Variants in KCNB2 observed in about 807,000 individuals in gnomAD.
KCNB2 encodes potassium voltage-gated channel subfamily B member 2.
In KCNB2, 15 loss-of-function variants were observed where a neutral mutation model predicts 61.5. The ratio of observed to expected loss-of-function variants is 0.24; its 90% CI spans 0.16 to 0.38. KCNB2 has a LOEUF of 0.38. Among genes scored for constraint, KCNB2 ranks in the 10% least tolerant of loss-of-function variants. The pLI is 1.00. For missense variants in KCNB2, 828 were observed against 1,125.2 expected (o/e 0.74, Z 3.78); for synonymous variants, 457 against 446.0 (o/e 1.02, Z -0.31).
rs184271441 is a variant in KCNB2, at chr8:72,556,332, G to A, written c.-93-11310G>A. On this transcript the variant is annotated intron_variant, in intron 1 of 2. Coordinates refer to ENST00000523207, the MANE Select transcript of KCNB2 (RefSeq NM_004770.3). ...TTTTTACCATTAATTATTTATTATTGTTGTAGCTTCCTAGTGTTTTACACA... is the reference window on the plus strand; with the variant it reads ...TTTTTACCATTAATTATTTATTATTATTGTAGCTTCCTAGTGTTTTACACA... Among the ~76,000 whole-genome samples, 27 of 152,122 alleles carry A rather than the reference G, an allele frequency of 1.8e-4. No individual in the cohort carries two copies. The East Asian group carries it at 4.8e-3, about 27-fold the overall frequency.
chr8:72,861,462 C>T (rs764799544), intron 2 of KCNB2, among the ~76,000 whole-genome samples: 7 of 152,170 alleles, frequency 4.6e-5, no homozygotes, highest in Non-Finnish European at 7.3e-5. Flanking sequence ...TAAAAGCTCA[C>T]GAAAGAAGCC....
intron 2 of KCNB2, chr8:72,751,650 A>T (rs536665537): frequency 6.6e-6 from 1 of 152,296 alleles, no homozygotes; most frequent in South Asian, 2.1e-4. Flanking sequence ...ATCGTCTTTG[A>T]CTTCAGAATT....
intron 2 of KCNB2, among the ~76,000 whole-genome samples, chr8:72,663,285 CAA>C (rs1408224045): frequency 1.3e-5 from 2 of 152,126 alleles, no homozygotes; most frequent in East Asian, 3.9e-4. Flanking sequence ...GGAAGTATTC[CAA>C]GTAACAAGTA....
rs543721867 is a variant in KCNB2, at chr8:72,888,023, G to A, written c.580-47912G>A. Among the ~76,000 whole-genome samples, 6 of 152,352 alleles carry A rather than the reference G, an allele frequency of 3.9e-5. No individual in the cohort carries two copies. In the East Asian group the frequency reaches 1.2e-3, roughly 29 times the overall value. On this transcript the variant is annotated intron_variant, in intron 2 of 2. Coordinates refer to ENST00000523207, the MANE Select transcript of KCNB2 (RefSeq NM_004770.3). The stretch of plus-strand genomic sequence containing the variant: ...CCAAGATTTTAAGCTCCTTAGGCAA[G>A]AGCCTTACTGCTTTAATCGTGTTTT...
At chr8:72,662,133 G>A (rs769205866) in intron 2 of KCNB2, among the ~76,000 whole-genome samples, 4 of 152,108 alleles carry the variant, frequency 2.6e-5, no homozygotes, top group Non-Finnish European at 2.9e-5. Context: ...GACTATCAGT[G>A]CCACCACTCC....
chr8:72,627,097 G>A (rs138379174), intron 2 of KCNB2, among the ~76,000 whole-genome samples: 1 of 152,282 alleles, frequency 6.6e-6, no homozygotes, highest in Non-Finnish European at 1.5e-5. Context: ...AAAAGCTCAT[G>A]CCAAATTTCT....
At chr8:72,580,946 C>T (rs558704497) in intron 2 of KCNB2, among the ~76,000 whole-genome samples, 4 of 152,274 alleles carry the variant, frequency 2.6e-5, no homozygotes, top group Admixed American at 1.3e-4. Context: ...CCACTGCCTG[C>T]GATCTAGTCC....
intron 2 of KCNB2, among the ~76,000 whole-genome samples, chr8:72,886,765 C>T (rs1805813580): frequency 6.6e-6 from 1 of 152,252 alleles, no homozygotes; most frequent in African/African-American, 2.4e-5. Flanking sequence ...GCGATTTAAA[C>T]AGATCATCAG....
chr8:72,860,311 A>G (rs1284086439), intron 2 of KCNB2, among the ~76,000 whole-genome samples: 1 of 152,208 alleles, frequency 6.6e-6, no homozygotes, highest in Non-Finnish European at 1.5e-5. Context: ...GTAGTATATG[A>G]AGAGTCTCAA....
chr8:72,729,962 A>G (rs1002719082), intron 2 of KCNB2, among the ~76,000 whole-genome samples: 3 of 152,154 alleles, frequency 2.0e-5, no homozygotes, highest in African/African-American at 7.2e-5. Flanking sequence ...TGGGGGGCAG[A>G]GAATAAACTT....
At chr8:72,546,516 CAAA>C (rs35073549) in intron 1 of KCNB2, among the ~76,000 whole-genome samples, 1 of 117,330 alleles carries the variant, frequency 8.5e-6, no homozygotes, top group African/African-American at 3.1e-5. Context: ...GACTCTGTGT[CAAA>C]AAAAAAAAAA....
At chr8:72,707,035 T>C (rs1037001563) in intron 2 of KCNB2, among the ~76,000 whole-genome samples, 2 of 152,190 alleles carry the variant, frequency 1.3e-5, no homozygotes, top group African/African-American at 2.4e-5. Flanking sequence ...CTTGTAAAAG[T>C]TGGTGCTTTC....
chr8:72,685,585 G>A lies in KCNB2; in HGVS notation c.579+117272G>A, dbSNP rs538737901. On this transcript the variant is annotated intron_variant, in intron 2 of 2. Coordinates refer to ENST00000523207, the MANE Select transcript of KCNB2 (RefSeq NM_004770.3). ...GAGTAACAAGCCTACCTAACTAAAT[G>A]TAGGGGTCAAAGAAGGTAACATAGA... 4.2e-4 allele frequency among the ~76,000 whole-genome samples: 64 copies of A among 152,238 alleles called. 1 individual carries two copies. The South Asian group carries it at 0.013, about 32-fold the overall frequency.
At chr8:72,582,325 T>C (rs1431969421) in intron 2 of KCNB2, among the ~76,000 whole-genome samples, 1 of 152,194 alleles carries the variant, frequency 6.6e-6, no homozygotes, top group South Asian at 2.1e-4. Context: ...TTGGAAGGCA[T>C]CCCATTTCTA....
At chr8:72,570,876 G>A (rs1035770890) in intron 2 of KCNB2, among the ~76,000 whole-genome samples, 7 of 152,112 alleles carry the variant, frequency 4.6e-5, no homozygotes, top group African/African-American at 1.7e-4. Flanking sequence ...TGGTAATTTA[G>A]TTGAACATAT....
intron 1 of KCNB2, among the ~76,000 whole-genome samples, chr8:72,561,721 A>ATATG (rs1806521915): frequency 4.2e-5 from 1 of 23,646 alleles, no homozygotes; most frequent in African/African-American, 3.2e-4. Context: ...ATATATATAT[A>ATATG]TATATATCTA....
At chr8:72,931,558 C>A (rs1420768136) in intron 2 of KCNB2, among the ~76,000 whole-genome samples, 1 of 152,164 alleles carries the variant, frequency 6.6e-6, no homozygotes, top group East Asian at 1.9e-4. Context: ...TTCTTTGAAG[C>A]AGTTGTGAAT....
At chr8:72,696,499 G>A (rs770684050) in intron 2 of KCNB2, among the ~76,000 whole-genome samples, 1 of 152,088 alleles carries the variant, frequency 6.6e-6, no homozygotes, top group Admixed American at 6.6e-5. Context: ...GTGTTGGGGG[G>A]TTATGATGTG....
intron 2 of KCNB2, among the ~76,000 whole-genome samples, chr8:72,665,497 A>G (rs962036754): frequency 3.9e-5 from 6 of 152,156 alleles, no homozygotes; most frequent in African/African-American, 1.2e-4. Flanking sequence ...ATATATATAT[A>G]TATGAAATTC....
Sources: gnomAD v4.1 joint callset for allele counts (sites outside exome capture counted in the v4.1 genomes callset) on GRCh38, gnomAD v4.1.1 for gene constraint, MANE v1.5 for transcripts, NCBI Gene and HGNC (gene_info 2026-07-23, HGNC 2026-07-21) for gene names.